METTL4: variants seen among roughly 807,000 people sequenced by gnomAD.
METTL4 encodes methyltransferase 4, N6-adenosine.
METTL4 carries 40 observed loss-of-function variants against 54.0 expected under a neutral mutation model. The ratio of observed to expected loss-of-function variants is 0.74; its 90% confidence interval spans 0.58 to 0.96. The LOEUF is 0.96. METTL4 is among the 50% of genes least tolerant of loss of function. The pLI, the probability that METTL4 is intolerant of heterozygous loss-of-function variation, is 0.00. For synonymous variants in METTL4, 169 were observed against 183.8 expected (o/e 0.92, Z 0.65); for missense variants, 525 against 549.0 (o/e 0.96, Z 0.44).
intron 2 of METTL4, 44 bp downstream of exon 2, chr18:2,566,777 T>A: frequency 3.5e-6 from 5 of 1,413,426 alleles, no homozygotes; most frequent in Non-Finnish European, 4.7e-6. Flanking sequence ...TAAATCTCAA[T>A]TATGTTTTCT....
In METTL4 at chr18:2,538,155, T is replaced by C; in HGVS notation, c.*845A>G. 2 of 382,212 alleles carry C rather than the reference T, an allele frequency of 5.2e-6. No individual in the cohort carries two copies. The highest frequency in any genetic ancestry group is 9.2e-6 in the Non-Finnish European group (2 of 216,792). The allele number at this position is 382,212 out of a possible 1,614,324, so 23.7% of individuals were successfully genotyped here. A position where few individuals can be genotyped will look rare whatever the true frequency, so the allele number is the denominator to read the frequency against. ...AAATATTTTACTTGGTAGACAAATA[T>C]TTATTTGTAGAAAATCTATAAATAA... On this transcript the variant is annotated 3_prime_UTR_variant, in exon 9 of 9. Coordinates refer to ENST00000574538, the MANE Select transcript of METTL4 (RefSeq NM_022840.5).
chr18:2,567,327 C>T lies in METTL4; in HGVS notation c.-111G>A. 4.2e-6 allele frequency: 4 copies of T among 947,576 alleles called. No individual in the cohort carries two copies. Among genetic ancestry groups the T allele is most frequent in the South Asian group, 2.0e-5 (1 of 49,176 alleles). The allele number at this position is 947,576 out of a possible 1,614,324, so 58.7% of individuals were successfully genotyped here. A position where few individuals can be genotyped will look rare whatever the true frequency, so the allele number is the denominator to read the frequency against. On this transcript the variant is annotated 5_prime_UTR_variant, in exon 2 of 9. The change creates a new upstream start codon in the 5' untranslated region. Transcript: ENST00000574538. ...TCAATAAACATACACTTCATACACA[C>T]AGATAGATTTGATATACAAGTACAA...
intron 5 of METTL4, among the ~76,000 whole-genome samples, chr18:2,549,857 G>T (rs1156932806): frequency 6.7e-6 from 1 of 149,528 alleles, no homozygotes; most frequent in Non-Finnish European, 1.5e-5. Context: ...AGCCGGGTGT[G>T]GTGGCAGACA....
intron 3 of METTL4, among the ~76,000 whole-genome samples, chr18:2,557,606 A>G (rs1290783544): frequency 5.9e-5 from 9 of 152,204 alleles, no homozygotes; most frequent in Non-Finnish European, 1.0e-4. Context: ...TTTGCAACCC[A>G]CTTAAAAGAT....
In METTL4 at chr18:2,538,208, T is replaced by C; in HGVS notation, c.*792A>G. ...TTTTTTTCACAATCACACTGTTTAC[T>C]TGCTGCCATGTTTATTATAAGGAAT... On this transcript the variant is annotated 3_prime_UTR_variant, in exon 9 of 9. Transcript: ENST00000574538. 5 of 316,094 alleles carry C rather than the reference T, an allele frequency of 1.6e-5. No individual in the cohort carries two copies. Among genetic ancestry groups the C allele is most frequent in the Non-Finnish European group, 2.8e-5 (5 of 176,088 alleles). The allele number at this position is 316,094 out of a possible 1,614,324, so 19.6% of individuals were successfully genotyped here. A position where few individuals can be genotyped will look rare whatever the true frequency, so the allele number is the denominator to read the frequency against.
intron 7 of METTL4, 61 bp from the exon 8 acceptor site, chr18:2,544,347 C>T: frequency 8.4e-7 from 1 of 1,196,218 alleles, no homozygotes; most frequent in South Asian, 1.4e-5. Flanking sequence ...ATACATAAGC[C>T]ACAGCTGCAT....
Position 2,548,624 on chromosome 18 carries a change from A to G in METTL4, c.900-1095T>C, listed in dbSNP as rs539036812. The stretch of plus-strand genomic sequence containing the variant: ...CATCCCACTTCCATAATCCACTCCA[A>G]TGCCATAACCTGGACCCTGTCATCA... On this transcript the variant is annotated intron_variant, in intron 5 of 8. Transcript: ENST00000574538. Among the ~76,000 whole-genome samples, 15 of 152,156 alleles carry G rather than the reference A, an allele frequency of 9.9e-5. No individual in the cohort carries two copies. In the South Asian group the frequency reaches 2.7e-3, roughly 27 times the overall value.
chr18:2,563,275 A>G (rs2072349565), intron 3 of METTL4, among the ~76,000 whole-genome samples: 1 of 152,234 alleles, frequency 6.6e-6, no homozygotes, highest in South Asian at 2.1e-4. Flanking sequence ...TTAAACTAAT[A>G]GAAGTACATG....
intron 3 of METTL4, among the ~76,000 whole-genome samples, chr18:2,559,640 T>A (rs1308169432): frequency 6.6e-6 from 1 of 152,234 alleles, no homozygotes; most frequent in Admixed American, 6.5e-5. Context: ...AAAGTTATCA[T>A]CACCACAGAT....
At chr18:2,552,795 C>T (rs1402222939) in intron 4 of METTL4, 31 bp from the exon 5 acceptor site, 5 of 1,435,294 alleles carry the variant, frequency 3.5e-6, no homozygotes, top group Non-Finnish European at 4.9e-6. Context: ...TCAGAAAATA[C>T]CTTCTCTATG....
intron 6 of METTL4, 72 bp from the exon 7 acceptor site, chr18:2,544,831 G>T: frequency 1.1e-6 from 1 of 915,444 alleles, no homozygotes; most frequent in Non-Finnish European, 1.7e-6. Context: ...ACACACAAAA[G>T]AAATTAAACC....
intron 8 of METTL4, chr18:2,540,805 G>C (rs2071983703): frequency 1.0e-6 from 1 of 985,384 alleles, no homozygotes; most frequent in Middle Eastern, 5.2e-4. Context: ...CTGAAGAAAG[G>C]TTTTGTTTGT....
rs763812992 is a variant in METTL4, at chr18:2,539,070, G to C, written c.1349C>G (p.Thr450Ser). 3.8e-5 allele frequency: 61 copies of C among 1,613,680 alleles called. No homozygotes were observed. The highest frequency in any genetic ancestry group is 5.0e-5 in the Non-Finnish European group (59 of 1,179,832). Residue 450 changes from threonine (T) to serine (S), a missense_variant, in exon 9 of 9, where the codon ACT (threonine) becomes AGT (serine). Thr to Ser is a moderately conservative substitution (Grantham distance 58, BLOSUM62 1). Coordinates refer to ENST00000574538, the MANE Select transcript of METTL4 (RefSeq NM_022840.5). ...TTTGAGAACTTCATTGCCCCAACTA[G>C]TCCAACCTGGCTGTAAATTTCGAGC... Reference protein sequence around the residue: ...LFARNLQPGWTSWGNEVLKFQ... With the variant: ...LFARNLQPGWSSWGNEVLKFQ...
At position 2,538,907 on chromosome 18, in the gene METTL4, A is replaced by G; in HGVS notation, c.*93T>C. 7.3e-7 allele frequency: 1 copy of G among 1,375,808 alleles called. No homozygotes were observed. The highest frequency in any genetic ancestry group is 1.0e-6 in the Non-Finnish European group (1 of 1,000,794). The allele number at this position is 1,375,808 out of a possible 1,614,324, so 85.2% of individuals were successfully genotyped here. On this transcript the variant is annotated 3_prime_UTR_variant, in exon 9 of 9. Transcript: ENST00000574538. ...CAAGTCCTGTTTATATTCTAAGAAT[A>G]TGGGTTGGTAACAAAATAAAAAAAT...
At chr18:2,542,750 T>C (rs2072011745) in intron 8 of METTL4, among the ~76,000 whole-genome samples, 1 of 152,112 alleles carries the variant, frequency 6.6e-6, no homozygotes, top group African/African-American at 2.4e-5. Flanking sequence ...AGGCAATCGA[T>C]TATTCACTGA....
chr18:2,551,021 G>A (rs577000495), intron 5 of METTL4, among the ~76,000 whole-genome samples: 35 of 151,258 alleles, frequency 2.3e-4, no homozygotes, highest in South Asian at 6.3e-4. Context: ...AAAATTAGCC[G>A]GGCGTGGTAG....
At chr18:2,543,884 G>T (rs942192382) in intron 8 of METTL4, among the ~76,000 whole-genome samples, 5 of 152,174 alleles carry the variant, frequency 3.3e-5, no homozygotes, top group Admixed American at 3.3e-4. Flanking sequence ...AAAATAAAGG[G>T]TCTAGCTGAA....
In METTL4 at chr18:2,547,427, G is replaced by A. The variant is rs2072086583; in HGVS notation, c.1002C>T (p.His334=). Residue 334 remains histidine (H), a synonymous_variant, in exon 6 of 9, where the codon CAC becomes CAT. Transcript: ENST00000574538. ...LVTWVTNRQK[H]LRFIKEELYP... is the part of the protein sequence containing the mutation. ...AAAGTTCTTCCTTTATAAAACGTAG[G>A]TGCTTCTGTCTATTGGTCACCCAAG... The A allele has an allele frequency of 1.2e-6, 2 of 1,611,960 alleles. No homozygotes were observed. Among genetic ancestry groups the A allele is most frequent in the Non-Finnish European group, 1.7e-6 (2 of 1,178,846 alleles).
intron 3 of METTL4, among the ~76,000 whole-genome samples, chr18:2,556,842 G>GGGAGGAGGAAGAAGAGGA (rs1265394334): frequency 3.3e-5 from 5 of 152,154 alleles, no homozygotes; most frequent in African/African-American, 1.2e-4. Context: ...TGGGGGTCAG[G>GGGAGGAGGAAGAAGAGGA]GGAGGAGGAA....
Sources: gnomAD v4.1 joint callset for allele counts (sites outside exome capture counted in the v4.1 genomes callset) on GRCh38, gnomAD v4.1.1 for gene constraint, MANE v1.5 for transcripts, NCBI Gene and HGNC (gene_info 2026-07-23, HGNC 2026-07-21) for gene names.